PHF20: variants seen among roughly 807,000 people sequenced by gnomAD.
The protein encoded by PHF20 is PHD finger protein 20.
In PHF20, 23 loss-of-function variants were observed where a neutral mutation model predicts 113.5. The observed-to-expected ratio is 0.20, with a 90% CI of 0.15 to 0.29. PHF20 has a LOEUF of 0.29. Among genes scored for constraint, PHF20 ranks in the 10% least tolerant of loss-of-function variants. The pLI is 1.00. For missense variants in PHF20, 943 were observed against 1,219.6 expected, an observed-to-expected ratio of 0.77 and a Z score of 3.38; for synonymous variants, 434 against 457.3, an observed-to-expected ratio of 0.95 and a Z score of 0.65.
At chr20:35,918,245 C>CGCTG (rs558322560) in intron 13 of PHF20, among the ~76,000 whole-genome samples, 413 of 152,124 alleles carry the variant, frequency 2.7e-3, no homozygotes, top group African/African-American at 9.0e-3. Flanking sequence ...GGAGAGGTGG[C>CGCTG]GCTGGCTGGC....
At chr20:35,790,167 T>G (rs1442620524) in intron 1 of PHF20, among the ~76,000 whole-genome samples, 1 of 151,416 alleles carries the variant, frequency 6.6e-6, no homozygotes, top group African/African-American at 2.4e-5. Flanking sequence ...AGAACAGTAG[T>G]AACCCTGCAA....
chr20:35,773,487 C>T (rs574973722), intron 1 of PHF20, among the ~76,000 whole-genome samples: 1 of 152,296 alleles, frequency 6.6e-6, no homozygotes, highest in South Asian at 2.1e-4. Flanking sequence ...TCTGAGCACA[C>T]TTCCCAGAGT....
chr20:35,828,325 C>A (rs571899356), intron 2 of PHF20, among the ~76,000 whole-genome samples: 20 of 152,168 alleles, frequency 1.3e-4, no homozygotes, highest in African/African-American at 4.6e-4. Flanking sequence ...CGCCCAGCCT[C>A]ATTAATTACT....
At chr20:35,939,542 CTT>C (rs2055936675) in intron 16 of PHF20, among the ~76,000 whole-genome samples, 1 of 152,160 alleles carries the variant, frequency 6.6e-6, no homozygotes, top group South Asian at 2.1e-4. Flanking sequence ...TTTATTTTGA[CTT>C]TTAACTTTGA....
At chr20:35,890,617 C>T (rs1399964787) in intron 9 of PHF20, among the ~76,000 whole-genome samples, 3 of 152,166 alleles carry the variant, frequency 2.0e-5, no homozygotes, top group South Asian at 2.1e-4. Flanking sequence ...CAGTGCCTCA[C>T]GCCTTGTAAT....
At chr20:35,786,992 T>A (rs571432321) in intron 1 of PHF20, among the ~76,000 whole-genome samples, 224 of 150,032 alleles carry the variant, frequency 1.5e-3, no homozygotes, top group Non-Finnish European at 2.7e-3. Flanking sequence ...TTTCCTGTTT[T>A]TTTTTTTTTT....
At position 35,847,440 on chromosome 20, in the gene PHF20, G is replaced by A. The variant is rs2042644016; in HGVS notation, c.340+6G>A. ...CACTGCTGTTAACAAGGATGGTAAG[G>A]CATTTGAGTTGTAGTTGTTTTTACT... On this transcript the variant is annotated splice_donor_region_variant and intron_variant, in intron 4 of 17. Coordinates refer to ENST00000374012, the MANE Select transcript of PHF20 (RefSeq NM_016436.5). The A allele has an allele frequency of 6.3e-7, 1 of 1,597,144 alleles. No individual in the cohort carries two copies. The highest frequency in any genetic ancestry group is 2.2e-5 in the East Asian group (1 of 44,782).
At chr20:35,801,694 G>C (rs559089092) in intron 2 of PHF20, 89 bp downstream of exon 2, 1 of 782,768 alleles carries the variant, frequency 1.3e-6, no homozygotes, top group South Asian at 1.6e-5. Flanking sequence ...TTTTTTTGTG[G>C]TGTTTTTCTA....
At chr20:35,788,335 A>G (rs2041467216) in intron 1 of PHF20, among the ~76,000 whole-genome samples, 1 of 151,324 alleles carries the variant, frequency 6.6e-6, no homozygotes, top group Non-Finnish European at 1.5e-5. Context: ...TAACCTCGTG[A>G]TCCACCCTCC....
chr20:35,909,331 G>GT (rs1475660015), intron 10 of PHF20, among the ~76,000 whole-genome samples: 3 of 151,842 alleles, frequency 2.0e-5, no homozygotes, highest in Admixed American at 2.0e-4. Flanking sequence ...GACAGGGGGT[G>GT]TTATCTGTCT....
intron 17 of PHF20, among the ~76,000 whole-genome samples, chr20:35,944,477 T>C (rs896697187): frequency 3.3e-5 from 5 of 152,250 alleles, no homozygotes; most frequent in Admixed American, 2.0e-4. Context: ...TCTCAGCAAC[T>C]GTAGGATCAT....
intron 9 of PHF20, among the ~76,000 whole-genome samples, chr20:35,872,510 G>A (rs564492525): frequency 2.2e-4 from 33 of 152,248 alleles, no homozygotes; most frequent in African/African-American, 7.0e-4. Flanking sequence ...GCAGCAGAGC[G>A]AGACTCAGTC....
chr20:35,785,461 G>A (rs576994325), intron 1 of PHF20, among the ~76,000 whole-genome samples: 36 of 151,792 alleles, frequency 2.4e-4, no homozygotes, highest in African/African-American at 7.0e-4. Flanking sequence ...GTGGTGCTAC[G>A]GGCTCCTACC....
chr20:35,895,084 C>A (rs925398540), intron 9 of PHF20, among the ~76,000 whole-genome samples: 1 of 151,996 alleles, frequency 6.6e-6, no homozygotes, highest in Admixed American at 6.6e-5. Flanking sequence ...GGTACAGTGG[C>A]GTGATCTTGA....
Position 35,939,047 on chromosome 20 carries a change from G to A in PHF20, c.2651G>A (p.Gly884Asp). The A allele has an allele frequency of 3.1e-6, 5 of 1,614,144 alleles. No homozygotes were observed. Among genetic ancestry groups the A allele is most frequent in the Non-Finnish European group, 3.4e-6 (4 of 1,180,010 alleles). The change falls in exon 16 of 18, where the codon GGC (glycine) becomes GAC (aspartate). Residue 884 changes from glycine (G) to aspartate (D), a missense_variant. By Grantham distance (94) the Gly-to-Asp change is moderately conservative. Coordinates refer to ENST00000374012, the MANE Select transcript of PHF20 (RefSeq NM_016436.5). ...GATGATTCCCTTTCCCCGCGCCTGG[G>A]CTGGCCTCTAGACCAAGACAGGAGC... ...NGDDSLSPRLGWPLDQDRSKG... is the reference protein window; with the variant it reads ...NGDDSLSPRLDWPLDQDRSKG...
At chr20:35,902,226 C>G (rs987267969) in intron 10 of PHF20, among the ~76,000 whole-genome samples, 2 of 152,100 alleles carry the variant, frequency 1.3e-5, no homozygotes, top group African/African-American at 4.8e-5. Flanking sequence ...ACAACCAGCA[C>G]TGAAGGACTG....
At chr20:35,898,909 C>G (rs1202240884) in intron 9 of PHF20, among the ~76,000 whole-genome samples, 1 of 152,112 alleles carries the variant, frequency 6.6e-6, no homozygotes, top group Non-Finnish European at 1.5e-5. Context: ...CCATGCCCAG[C>G]CCATTTCTTT....
intron 9 of PHF20, among the ~76,000 whole-genome samples, chr20:35,896,653 A>T (rs2054990326): frequency 6.6e-6 from 1 of 151,426 alleles, no homozygotes; most frequent in Admixed American, 6.6e-5. Context: ...GAAAAAAAAA[A>T]AACTGGACGT....
At chr20:35,870,863 C>A in intron 7 of PHF20, 92 bp from the exon 8 acceptor site, 1 of 838,654 alleles carries the variant, frequency 1.2e-6, no homozygotes, top group Non-Finnish European at 1.8e-6. Context: ...TCTGTAAAGT[C>A]CTTTTAGAGA....
Sources: allele counts gnomAD v4.1 joint callset (sites outside exome capture counted in the v4.1 genomes callset), GRCh38; gene constraint gnomAD v4.1.1; transcripts MANE v1.5; gene names NCBI Gene and HGNC (gene_info 2026-07-23, HGNC 2026-07-21).